IL23R: variants seen among roughly 807,000 people sequenced by gnomAD.
IL23R encodes interleukin-23 receptor.
Under a neutral mutation model 56.9 loss-of-function variants are expected in IL23R, and 34 were observed. The ratio of observed to expected loss-of-function variants is 0.60; its 90% CI spans 0.45 to 0.80. The LOEUF is 0.80. Among genes scored for constraint, IL23R ranks in the 30% least tolerant of loss-of-function variants. The pLI is 0.00. For synonymous variants in IL23R, 230 were observed against 249.2 expected (o/e 0.92, Z 0.73); for missense variants, 635 against 730.0 (o/e 0.87, Z 1.50).
At chr1:67,239,948 C>G (rs1456131255) in intron 8 of IL23R, among the ~76,000 whole-genome samples, 1 of 152,196 alleles carries the variant, frequency 6.6e-6, no homozygotes, top group African/African-American at 2.4e-5. Flanking sequence ...TAAAAACCCA[C>G]TGACATCAGA....
chr1:67,203,651 G>A, intron 5 of IL23R, among the ~76,000 whole-genome samples: 1 of 152,202 alleles, frequency 6.6e-6, no homozygotes. Context: ...ATTATTAACA[G>A]ATGAGCCGTC....
chr1:67,194,902 A>T (rs1186707021), intron 4 of IL23R, among the ~76,000 whole-genome samples: 2 of 152,252 alleles, frequency 1.3e-5, no homozygotes, highest in Admixed American at 1.3e-4. Flanking sequence ...GTAACTATGT[A>T]AACATCTCAA....
chr1:67,193,333 T>A (rs1390812424), intron 4 of IL23R, among the ~76,000 whole-genome samples: 5 of 152,230 alleles, frequency 3.3e-5, no homozygotes, highest in Non-Finnish European at 5.9e-5. Flanking sequence ...ATTCTATATT[T>A]ATTTGTTTCC....
chr1:67,209,688 C>T (rs929800032), intron 6 of IL23R, among the ~76,000 whole-genome samples: 1 of 152,168 alleles, frequency 6.6e-6, no homozygotes, highest in South Asian at 2.1e-4. Flanking sequence ...TGAAAACAGA[C>T]TAATGCAGTA....
chr1:67,218,697 A>G (rs1422920065), intron 6 of IL23R, among the ~76,000 whole-genome samples: 1 of 151,190 alleles, frequency 6.6e-6, no homozygotes, highest in South Asian at 2.1e-4. Context: ...GCCAAGGCAG[A>G]GAGATGACTT....
intron 4 of IL23R, 35 bp downstream of exon 4, chr1:67,182,994 T>C: frequency 6.2e-7 from 1 of 1,612,734 alleles, no homozygotes; most frequent in Non-Finnish European, 8.5e-7. Flanking sequence ...TATAAGCAGT[T>C]CCACCCCAGT....
At chr1:67,222,102 C>CTTTCTTTTTTTTTTTTTTTTT (rs1440089182) in intron 7 of IL23R, among the ~76,000 whole-genome samples, 2 of 58,888 alleles carry the variant, frequency 3.4e-5, no homozygotes, top group African/African-American at 1.3e-4. Context: ...TTCTTTCTTT[C>CTTTCTTTTTTTTTTTTTTTTT]TTTTTTTTTT....
intron 9 of IL23R, among the ~76,000 whole-genome samples, chr1:67,246,118 C>T (rs1053719777): frequency 6.6e-6 from 1 of 152,230 alleles, no homozygotes; most frequent in African/African-American, 2.4e-5. Flanking sequence ...ATAGTATTCT[C>T]TGATGATAGT....
intron 3 of IL23R, among the ~76,000 whole-genome samples, chr1:67,169,978 A>G (rs945133520): frequency 3.3e-5 from 5 of 152,178 alleles, no homozygotes; most frequent in Non-Finnish European, 5.9e-5. Flanking sequence ...CTGAACGAAC[A>G]CTGCATATGT....
At chr1:67,149,337 G>A (rs1448353900) in intron 1 of IL23R, among the ~76,000 whole-genome samples, 2 of 152,192 alleles carry the variant, frequency 1.3e-5, no homozygotes, top group Non-Finnish European at 2.9e-5. Context: ...CAGTGAGAAA[G>A]AAGTCAGGAG....
chr1:67,227,742 T>C (rs906851420), intron 7 of IL23R, among the ~76,000 whole-genome samples: 1 of 152,248 alleles, frequency 6.6e-6, no homozygotes, highest in African/African-American at 2.4e-5. Flanking sequence ...TCTGAACTTG[T>C]AGACTCTATT....
rs545119359 is a variant in IL23R, at chr1:67,228,457, C to T, written c.956-8256C>T. On this transcript the variant is annotated intron_variant, in intron 7 of 10. Coordinates refer to ENST00000347310, the MANE Select transcript of IL23R (RefSeq NM_144701.3). ...AAGAACTCTGCCCACCTTGGCCTCC[C>T]AAAGTGCTGGGCTTACAGGCAGGAG... 2.7e-5 allele frequency among the ~76,000 whole-genome samples: 4 copies of T among 150,168 alleles called. No homozygotes were observed. The Admixed American group carries it at 2.7e-4, about 10-fold the overall frequency.
At chr1:67,184,004 C>A (rs1021485560) in intron 4 of IL23R, among the ~76,000 whole-genome samples, 17 of 151,372 alleles carry the variant, frequency 1.1e-4, no homozygotes, top group African/African-American at 3.6e-4. Context: ...GAGACTGAGG[C>A]TGGTGGATCA....
At chr1:67,264,131 G>A (rs74082839), downstream of IL23R, among the ~76,000 whole-genome samples, 7,127 of 152,232 alleles carry the variant, frequency 0.047, 545 homozygotes, top group African/African-American at 0.16. Flanking sequence ...GGCTATCAAC[G>A]CAGGCTCAGG....
intron 1 of IL23R, among the ~76,000 whole-genome samples, chr1:67,149,452 C>A (rs1044037996): frequency 1.3e-5 from 2 of 152,070 alleles, no homozygotes; most frequent in African/African-American, 4.8e-5. Context: ...GGCTCTTAAT[C>A]GCATTTTGCT....
intron 4 of IL23R, among the ~76,000 whole-genome samples, chr1:67,194,864 T>C (rs1648017948): frequency 2.0e-5 from 3 of 152,232 alleles, no homozygotes; most frequent in Admixed American, 2.0e-4. Flanking sequence ...GGTATTTACG[T>C]TTCATCTTAT....
At chr1:67,189,810 C>T (rs11801083) in intron 4 of IL23R, among the ~76,000 whole-genome samples, 135,819 of 152,128 alleles carry the variant, frequency 0.89, 60,712 homozygotes, top group East Asian at 1. Context: ...AATACAAAAA[C>T]TAGCCAGGCG....
chr1:67,244,152 G>T (rs1226492823), intron 9 of IL23R, among the ~76,000 whole-genome samples: 1 of 151,972 alleles, frequency 6.6e-6, no homozygotes, highest in East Asian at 1.9e-4. Context: ...CTTTTTGATG[G>T]GTTGGTTTGT....
intron 9 of IL23R, among the ~76,000 whole-genome samples, chr1:67,249,246 TA>T (rs1463633653): frequency 6.6e-6 from 1 of 152,210 alleles, no homozygotes; most frequent in Non-Finnish European, 1.5e-5. Flanking sequence ...GTCTTTTTAT[TA>T]AAGTTTTAGG....
Sources: gnomAD v4.1 joint callset for allele counts (sites outside exome capture counted in the v4.1 genomes callset) on GRCh38, gnomAD v4.1.1 for gene constraint, MANE v1.5 for transcripts, NCBI Gene and HGNC (gene_info 2026-07-23, HGNC 2026-07-21) for gene names.